Variants in TNFRSF21 observed in about 807,000 individuals in gnomAD.
TNFRSF21 encodes the protein tumor necrosis factor receptor superfamily member 21.
TNFRSF21 carries 19 observed loss-of-function variants against 45.6 expected under a neutral mutation model. The observed-to-expected ratio is 0.42, with a 90% CI of 0.29 to 0.61. The LOEUF is 0.61. Ranked by LOEUF, TNFRSF21 falls within the 20% of genes least tolerant of loss-of-function variation. TNFRSF21 has a pLI of 0.23. For synonymous variants in TNFRSF21, 314 were observed against 335.5 expected (o/e 0.94, Z 0.70); for missense variants, 737 against 851.5 (o/e 0.87, Z 1.67).
At chr6:47,295,408 C>G (rs1326723681) in intron 1 of TNFRSF21, among the ~76,000 whole-genome samples, 1 of 152,072 alleles carries the variant, frequency 6.6e-6, no homozygotes, top group Admixed American at 6.5e-5. Context: ...TTTTTCTATT[C>G]ATAAAGGGCA....
At chr6:47,308,650 G>A (rs1164644076) in intron 1 of TNFRSF21, among the ~76,000 whole-genome samples, 1 of 152,250 alleles carries the variant, frequency 6.6e-6, no homozygotes, top group Admixed American at 6.5e-5. Flanking sequence ...GTAAACGAGG[G>A]ATCGGAAAGA....
At chr6:47,262,528 A>C (rs1429872701) in intron 3 of TNFRSF21, among the ~76,000 whole-genome samples, 1 of 152,256 alleles carries the variant, frequency 6.6e-6, no homozygotes, top group East Asian at 1.9e-4. Flanking sequence ...GGGAAGTAAT[A>C]AAACATAAAC....
chr6:47,262,448 G>A (rs572518719), intron 3 of TNFRSF21, among the ~76,000 whole-genome samples: 4 of 152,354 alleles, frequency 2.6e-5, no homozygotes, highest in African/African-American at 9.6e-5. Flanking sequence ...CTAGGTACAG[G>A]AGATATGGCA....
chr6:47,309,456 C>G lies in TNFRSF21; in HGVS notation c.56G>C (p.Arg19Pro). ...TALASCSRIA[R>P]RATATMIAGS... ...CGCGATCATCGTGGCTGTGGCTCGG[C>G]GGGCGATGCGGCTGCAGGAGGCGAG... Residue 19 changes from arginine to proline, a missense_variant, in exon 1 of 6, where the codon CGC becomes CCC. Arg to Pro is a moderately radical substitution (Grantham distance 103). Coordinates refer to ENST00000296861, the MANE Select transcript of TNFRSF21 (RefSeq NM_014452.5). The G allele has an allele frequency of 6.5e-7, 1 of 1,534,540 alleles. No individual in the cohort carries two copies. Among genetic ancestry groups the G allele is most frequent in the South Asian group, 1.2e-5 (1 of 83,240 alleles).
chr6:47,309,626 C>A lies in TNFRSF21; in HGVS notation c.-115G>T. 1.5e-6 allele frequency: 2 copies of A among 1,340,242 alleles called. No individual in the cohort carries two copies. The highest frequency in any genetic ancestry group is 3.5e-5 in the South Asian group (2 of 56,684). 83.0% of individuals were successfully genotyped at this position (1,340,242 alleles called of 1,614,324 possible). A position where few individuals can be genotyped will look rare whatever the true frequency, so the allele number is the denominator to read the frequency against. On this transcript the variant is annotated 5_prime_UTR_variant, in exon 1 of 6. In the 5' UTR this introduces an upstream ATG that the reference lacks. Coordinates refer to ENST00000296861, the MANE Select transcript of TNFRSF21 (RefSeq NM_014452.5). ...CCTCCCGGGCCGGGAGCCCATCTAC[C>A]TCCAACACCCCATGTGCACTGCTGC...
In TNFRSF21 at chr6:47,245,427, A is replaced by AGTGTGT. The variant is rs375623340; in HGVS notation, c.1509+7823_1509+7828dup. On this transcript the variant is annotated intron_variant, in intron 4 of 5. Coordinates refer to ENST00000296861, the MANE Select transcript of TNFRSF21 (RefSeq NM_014452.5). ...AACCTTAAAGGCAATACTAAGAAGAAGTGTGTGTGTGTGTGTGTGTGTGTG... is the reference window on the plus strand; with the variant it reads ...AACCTTAAAGGCAATACTAAGAAGAAGTGTGTGTGTGTGTGTGTGTGTGTGTGTGTG... Among the ~76,000 whole-genome samples, 385 of 142,274 alleles carry AGTGTGT rather than the reference A, an allele frequency of 2.7e-3. 1 individual carries two copies. The highest frequency in any genetic ancestry group is 9.3e-3 in the African/African-American group (353 of 37,936). 93.3% of individuals were successfully genotyped at this position (142,274 alleles called of 152,430 possible).
At position 47,309,743 on chromosome 6, in the gene TNFRSF21, G is replaced by C; in HGVS notation, c.-232C>G. The C allele has an allele frequency of 2.2e-6, 1 of 459,794 alleles. No individual in the cohort carries two copies. Among genetic ancestry groups the C allele is most frequent in the Non-Finnish European group, 3.6e-6 (1 of 277,138 alleles). 28.5% of individuals were successfully genotyped at this position (459,794 alleles called of 1,614,324 possible). A position where few individuals can be genotyped will look rare whatever the true frequency, so the allele number is the denominator to read the frequency against. On this transcript the variant is annotated 5_prime_UTR_variant, in exon 1 of 6. Transcript: ENST00000296861. ...GCCGCCCAGGCGGGGAGAAGCCGCC[G>C]CGACTGCAGCCCGCGTCTCCGGGTG... is the stretch of plus-strand genomic sequence containing the variant.
rs1561950373 is a variant in TNFRSF21, at chr6:47,287,326, A to AG, written c.97-732_97-731insC. Among the ~76,000 whole-genome samples the AG allele has an allele frequency of 1.6e-4, 24 of 150,074 alleles. 1 individual carries two copies. The highest frequency in any genetic ancestry group is 5.4e-4 in the African/African-American group (22 of 40,732). ...CTTTCTCAAAAAAAAAAAAAAAAAA[A>AG]AAAAAAAAGAAAAGAAAAATTGTAT... On this transcript the variant is annotated intron_variant, in intron 1 of 5. Transcript: ENST00000296861.
intron 3 of TNFRSF21, among the ~76,000 whole-genome samples, chr6:47,273,288 C>T (rs2113859043): frequency 6.6e-6 from 1 of 152,266 alleles, no homozygotes; most frequent in South Asian, 2.1e-4. Context: ...AAACCAAATC[C>T]AGCAGTACAT....
intron 3 of TNFRSF21, among the ~76,000 whole-genome samples, chr6:47,254,894 T>A (rs1227526372): frequency 1.3e-5 from 2 of 152,120 alleles, no homozygotes; most frequent in Admixed American, 6.5e-5. Flanking sequence ...AGAAAAAAAA[T>A]ACACTTAGAA....
At chr6:47,300,902 G>T (rs929658318) in intron 1 of TNFRSF21, among the ~76,000 whole-genome samples, 2 of 152,088 alleles carry the variant, frequency 1.3e-5, no homozygotes, top group Non-Finnish European at 2.9e-5. Context: ...TTTATTAAAC[G>T]GATAAAATAT....
chr6:47,308,519 G>C (rs537217677), intron 1 of TNFRSF21, among the ~76,000 whole-genome samples: 36 of 152,376 alleles, frequency 2.4e-4, no homozygotes, highest in African/African-American at 8.4e-4. Flanking sequence ...GAAATAAAGG[G>C]AGGGAATTTG....
At position 47,309,647 on chromosome 6, in the gene TNFRSF21, G is replaced by T; in HGVS notation, c.-136C>A. On this transcript the variant is annotated 5_prime_UTR_variant, in exon 1 of 6. Coordinates refer to ENST00000296861, the MANE Select transcript of TNFRSF21 (RefSeq NM_014452.5). The stretch of plus-strand genomic sequence containing the variant: ...CTACCTCCAACACCCCATGTGCACT[G>T]CTGCGGCCGGGCAGAGGAGGGAGGC... The T allele has an allele frequency of 8.1e-7, 1 of 1,234,548 alleles. No homozygotes were observed. The highest frequency in any genetic ancestry group is 1.6e-5 in the African/African-American group (1 of 62,884). 76.5% of individuals were successfully genotyped at this position (1,234,548 alleles called of 1,614,324 possible).
intron 5 of TNFRSF21, 130 bp from the exon 6 acceptor site, chr6:47,233,124 T>C (rs1764612835): frequency 1.3e-6 from 1 of 762,714 alleles, no homozygotes; most frequent in Non-Finnish European, 2.1e-6. Flanking sequence ...CCATCCTCCA[T>C]TACAGTGAGA....
intron 4 of TNFRSF21, among the ~76,000 whole-genome samples, chr6:47,244,621 A>G (rs973999394): frequency 2.0e-5 from 3 of 152,036 alleles, no homozygotes; most frequent in Admixed American, 2.0e-4. Flanking sequence ...TTTTTTTTCT[A>G]GTACTTTTTT....
chr6:47,294,085 C>A (rs7766272), intron 1 of TNFRSF21, among the ~76,000 whole-genome samples: 1 of 152,156 alleles, frequency 6.6e-6, no homozygotes, highest in Non-Finnish European at 1.5e-5. Flanking sequence ...ATAATTAGAA[C>A]CAACATATTA....
At chr6:47,250,635 A>G (rs911277659) in intron 4 of TNFRSF21, among the ~76,000 whole-genome samples, 4 of 152,280 alleles carry the variant, frequency 2.6e-5, no homozygotes, top group African/African-American at 9.6e-5. Context: ...ATTTTTACCC[A>G]TTAAGAGTCC....
intron 3 of TNFRSF21, among the ~76,000 whole-genome samples, chr6:47,260,977 C>T (rs1287463835): frequency 3.3e-5 from 5 of 152,156 alleles, no homozygotes; most frequent in South Asian, 2.1e-4. Flanking sequence ...ACAACCTCCT[C>T]CCAGGACAGA....
intron 4 of TNFRSF21, among the ~76,000 whole-genome samples, chr6:47,252,890 A>AT (rs1260103120): frequency 6.6e-6 from 1 of 152,022 alleles, no homozygotes; most frequent in African/African-American, 2.4e-5. Flanking sequence ...AGTAAAAAGT[A>AT]TTTTTTCTTG....
Sources: allele counts gnomAD v4.1 joint callset (sites outside exome capture counted in the v4.1 genomes callset), GRCh38; gene constraint gnomAD v4.1.1; transcripts MANE v1.5; gene names NCBI Gene and HGNC (gene_info 2026-07-23, HGNC 2026-07-21).